Variants in CSMD2 observed in about 807,000 individuals in gnomAD.
CSMD2 encodes the protein CUB and sushi domain-containing protein 2.
CSMD2 carries 130 observed loss-of-function variants against 398.5 expected under a neutral mutation model. The observed-to-expected ratio is 0.33, with a 90% CI of 0.28 to 0.38. The LOEUF (loss-of-function observed/expected upper bound fraction) is 0.38. Ranked by LOEUF, CSMD2 falls within the 10% of genes least tolerant of loss-of-function variation. CSMD2 has a pLI of 1.00. For synonymous variants in CSMD2, 1,828 were observed against 1,908.5 expected, an observed-to-expected ratio of 0.96 and a Z score of 1.10; for missense variants, 3,829 against 4,764.9, an observed-to-expected ratio of 0.80 and a Z score of 5.78.
rs144809719 is a variant in CSMD2 at position 33,792,524 on chromosome 1, C to A, written c.1449G>T (p.Val483=). 35 of 1,611,174 alleles carry A rather than the reference C, an allele frequency of 2.2e-5. No individual in the cohort carries two copies. The highest frequency in any genetic ancestry group is 2.9e-5 in the Non-Finnish European group (34 of 1,177,448). ...CAAACTCCTCAAAGGCGAGCTTGATCACCTAGGGAGGGAACACAGGGTTAG... is the reference window on the plus strand; with the variant it reads ...CAAACTCCTCAAAGGCGAGCTTGATAACCTAGGGAGGGAACACAGGGTTAG... ...WIITALNPSK[V]IKLAFEEFDL... Residue 483 remains valine, a splice_region_variant and synonymous_variant, in exon 11 of 71, where the codon GTG becomes GTT. Transcript: ENST00000373381.
At chr1:34,127,188 C>T (rs975696983) in intron 1 of CSMD2, among the ~76,000 whole-genome samples, 83 of 152,068 alleles carry the variant, frequency 5.5e-4, no homozygotes, top group African/African-American at 1.9e-3. Context: ...CAGCGGCATC[C>T]GACCCCCCAG....
chr1:34,073,418 A>G (rs980736080), intron 2 of CSMD2, among the ~76,000 whole-genome samples: 1 of 152,206 alleles, frequency 6.6e-6, no homozygotes, highest in African/African-American at 2.4e-5. Context: ...GGTCTGATGG[A>G]TGTCCCAATA....
chr1:34,098,307 A>T (rs1659593040), intron 1 of CSMD2, among the ~76,000 whole-genome samples: 1 of 140,494 alleles, frequency 7.1e-6, no homozygotes, highest in Non-Finnish European at 1.5e-5. Context: ...AGATATACCT[A>T]ATGCTAGATG....
At chr1:33,997,613 A>C (rs1646767852) in intron 3 of CSMD2, among the ~76,000 whole-genome samples, 1 of 152,158 alleles carries the variant, frequency 6.6e-6, no homozygotes, top group African/African-American at 2.4e-5. Flanking sequence ...TGTTGCTTTT[A>C]GGTCTTAAAA....
intron 3 of CSMD2, among the ~76,000 whole-genome samples, chr1:33,964,524 G>A (rs546019510): frequency 8.5e-5 from 13 of 152,334 alleles, no homozygotes; most frequent in African/African-American, 3.1e-4. Context: ...GAAGCCTTAA[G>A]TTTTGTATAT....
At chr1:33,943,871 GAATTA>G (rs1214153162) in intron 3 of CSMD2, among the ~76,000 whole-genome samples, 4 of 151,370 alleles carry the variant, frequency 2.6e-5, no homozygotes, top group Admixed American at 2.6e-4. Context: ...TGTGTTGAGT[GAATTA>G]AATATATATG....
intron 3 of CSMD2, among the ~76,000 whole-genome samples, chr1:33,974,218 C>T (rs949217126): frequency 6.6e-6 from 1 of 152,210 alleles, no homozygotes; most frequent in Admixed American, 6.5e-5. Context: ...CACAATGCAG[C>T]GGCTCACAGG....
chr1:33,970,266 A>G (rs1225991271), intron 3 of CSMD2, among the ~76,000 whole-genome samples: 3 of 152,180 alleles, frequency 2.0e-5, no homozygotes, highest in African/African-American at 7.2e-5. Flanking sequence ...GAACAGTTTC[A>G]GCTCTTACAC....
chr1:33,798,850 C>A (rs1264965247), intron 10 of CSMD2, among the ~76,000 whole-genome samples: 5 of 152,182 alleles, frequency 3.3e-5, no homozygotes, highest in African/African-American at 9.7e-5. Flanking sequence ...CACGTGCTGT[C>A]CAGGATTAGC....
At chr1:34,117,692 A>G (rs1661745875) in intron 1 of CSMD2, among the ~76,000 whole-genome samples, 1 of 152,138 alleles carries the variant, frequency 6.6e-6, no homozygotes, top group Non-Finnish European at 1.5e-5. Flanking sequence ...AGACCAATAT[A>G]CCTGATGAAT....
At chr1:34,072,344 C>T (rs1655821191) in intron 2 of CSMD2, among the ~76,000 whole-genome samples, 1 of 152,162 alleles carries the variant, frequency 6.6e-6, no homozygotes, top group South Asian at 2.1e-4. Context: ...CCAAACCTGC[C>T]TCCACCCTGC....
chr1:33,898,263 C>T (rs116780332), intron 5 of CSMD2, among the ~76,000 whole-genome samples: 3,342 of 152,228 alleles, frequency 0.022, 64 homozygotes, highest in South Asian at 0.034. Context: ...GGAGTCATTG[C>T]CAGACTCCGA....
intron 1 of CSMD2, among the ~76,000 whole-genome samples, chr1:34,100,413 C>A (rs1659827978): frequency 6.6e-6 from 1 of 152,124 alleles, no homozygotes; most frequent in South Asian, 2.1e-4. Flanking sequence ...TAGTTTAGCT[C>A]ATTTTTCTGC....
At chr1:33,863,574 T>C (rs1639710493) in intron 5 of CSMD2, 1 of 152,286 alleles carries the variant, frequency 6.6e-6, no homozygotes, top group Non-Finnish European at 1.5e-5. Context: ...ACAGCTGTCA[T>C]ACCTGATTAC....
At position 33,717,199 on chromosome 1, in the gene CSMD2, G is replaced by A. The variant is rs1264417563; in HGVS notation, c.3002-698C>T. 2.6e-5 allele frequency among the ~76,000 whole-genome samples: 4 copies of A among 152,048 alleles called. No individual in the cohort carries two copies. The East Asian group carries it at 7.7e-4, about 29-fold the overall frequency. On this transcript the variant is annotated intron_variant, in intron 19 of 70. Transcript: ENST00000373381. ...TGGAATTGAAGCTGGATAGGTAGACGGGGGCCAGACCCAATATTTTTCTGG... is the reference window on the plus strand; with the variant it reads ...TGGAATTGAAGCTGGATAGGTAGACAGGGGCCAGACCCAATATTTTTCTGG...
At chr1:34,105,131 TA>T (rs1272700774) in intron 1 of CSMD2, among the ~76,000 whole-genome samples, 1 of 152,246 alleles carries the variant, frequency 6.6e-6, no homozygotes, top group Non-Finnish European at 1.5e-5. Flanking sequence ...AGATGTGCAC[TA>T]TTTTTTTTTA....
At position 33,846,930 on chromosome 1, in the gene CSMD2, T is replaced by A; in HGVS notation, c.987A>T (p.Thr329=). Residue 329 remains threonine, a synonymous_variant, in exon 6 of 71, where the codon ACA becomes ACT. Transcript: ENST00000373381. Reference sequence around the variant, plus strand: ...CGCGCTGCCGGTGGTTGCCATCCGATGTGAAGTGCAGTCGCAGCCAGTTCT... The same window carrying A: ...CGCGCTGCCGGTGGTTGCCATCCGAAGTGAAGTGCAGTCGCAGCCAGTTCT... ...SSKNWLRLHF[T]SDGNHRQRGF... 6.2e-7 allele frequency: 1 copy of A among 1,610,698 alleles called. No individual in the cohort carries two copies. Among genetic ancestry groups the A allele is most frequent in the Non-Finnish European group, 8.5e-7 (1 of 1,178,236 alleles).
intron 1 of CSMD2, among the ~76,000 whole-genome samples, chr1:34,123,811 A>G (rs555695858): frequency 6.7e-6 from 1 of 149,374 alleles, no homozygotes; most frequent in African/African-American, 2.6e-5. Context: ...AGAGCAGGAA[A>G]AAAAAACAAC....
rs1158513431 is a variant in CSMD2, at chr1:34,164,061, C to T, written c.187+850G>A. 1.3e-5 allele frequency among the ~76,000 whole-genome samples: 2 copies of T among 152,124 alleles called. No individual in the cohort carries two copies. The highest frequency in any genetic ancestry group is 2.4e-5 in the African/African-American group (1 of 41,456). On this transcript the variant is annotated intron_variant, in intron 1 of 70. Coordinates refer to ENST00000373381, the MANE Select transcript of CSMD2 (RefSeq NM_001281956.2). This position sits in a 1 kb window ranked among gnomAD's most constrained non-coding sequence, Gnocchi z 6.2. The stretch of plus-strand genomic sequence containing the variant: ...GGTCGTCGGGAGCTGGTCCCGCCGC[C>T]CGCGCCGCCGCTGCCGCTGCCGCAG...
Sources: allele counts gnomAD v4.1 joint callset (sites outside exome capture counted in the v4.1 genomes callset), GRCh38; gene constraint gnomAD v4.1.1; non-coding constraint Gnocchi (gnomAD v3.1); transcripts MANE v1.5; gene names NCBI Gene and HGNC (gene_info 2026-07-23, HGNC 2026-07-21).